Variants in KCNN2 observed in about 807,000 individuals in gnomAD.
KCNN2 encodes potassium calcium-activated channel subfamily N member 2, also known as small conductance calcium-activated potassium channel protein 2.
A neutral mutation model predicts 55.5 loss-of-function variants in KCNN2; 24 were observed. The ratio of observed to expected loss-of-function variants is 0.43; its 90% CI spans 0.31 to 0.61. The LOEUF (loss-of-function observed/expected upper bound fraction) is 0.61. KCNN2 is among the 20% of genes least tolerant of loss of function. The pLI, the probability that KCNN2 is intolerant of heterozygous loss-of-function variation, is 0.08. For missense variants in KCNN2, 754 were observed against 853.6 expected, an observed-to-expected ratio of 0.88 and a Z score of 1.45; for synonymous variants, 431 against 336.1, an observed-to-expected ratio of 1.28 and a Z score of -3.09.
At position 114,496,161 on chromosome 5, in the gene KCNN2, A is replaced by G; in HGVS notation, c.2355A>G (p.Pro785=). Residue 785 remains proline, a synonymous_variant, in exon 8 of 8, where the codon CCA becomes CCG. Transcript: ENST00000673685. ...GGCGGTCCTCTTCCACAGCACCACC[A>G]ACTTCATCAGAGAGTAGCTAGAAGA... ...RRRRSSSTAP[P]TSSESS The G allele has an allele frequency of 1.9e-6, 3 of 1,613,956 alleles. No individual in the cohort carries two copies. The highest frequency in any genetic ancestry group is 2.5e-6 in the Non-Finnish European group (3 of 1,179,932).
chr5:114,296,404 G>A lies in KCNN2; in HGVS notation c.-184-64541G>A, dbSNP rs561108489. 5.3e-5 allele frequency among the ~76,000 whole-genome samples: 8 copies of A among 152,308 alleles called. No homozygotes were observed. In the South Asian group the frequency reaches 1.4e-3, roughly 28 times the overall value. ...CTCGGCTGCTGATGTCATTGTTTATGCTAAGAATATTGCTTTAGGGATAAA... is the reference window on the plus strand; with the variant it reads ...CTCGGCTGCTGATGTCATTGTTTATACTAAGAATATTGCTTTAGGGATAAA... On this transcript the variant is annotated intron_variant, in intron 2 of 10. Coordinates refer to the KCNN2 transcript ENST00000512097.
intron 7 of KCNN2, among the ~76,000 whole-genome samples, chr5:114,494,593 T>C (rs563548781): frequency 3.5e-4 from 53 of 152,150 alleles, no homozygotes; most frequent in Middle Eastern, 3.4e-3. Context: ...TTTTAATGGG[T>C]ATTTTTATGA....
At chr5:114,459,898 G>T (rs147071169) in intron 3 of KCNN2, among the ~76,000 whole-genome samples, 191 of 152,248 alleles carry the variant, frequency 1.3e-3, no homozygotes, top group African/African-American at 4.5e-3. Flanking sequence ...AGAGTATTTG[G>T]CAAATAAGGA....
chr5:114,362,557 C>CGGCAGCAGTACG lies in KCNN2; in HGVS notation c.419_430dup (p.Tyr143_Ala144insGlyGlnGlnTyr), dbSNP rs1757461980. 9.8e-6 allele frequency: 6 copies of CGGCAGCAGTACG among 614,362 alleles called. No individual in the cohort carries two copies. The highest frequency in any genetic ancestry group is 2.0e-5 in the African/African-American group (1 of 50,586). The allele number at this position is 614,362 out of a possible 1,614,324, so 38.1% of individuals were successfully genotyped here. A position where few individuals can be genotyped will look rare whatever the true frequency, so the allele number is the denominator to read the frequency against. On this transcript the variant is annotated inframe_insertion, in exon 1 of 8. Coordinates refer to ENST00000673685, the MANE Select transcript of KCNN2 (RefSeq NM_021614.4). The stretch of plus-strand genomic sequence containing the variant: ...GCCGTCCAGCCATGCCAGTGCGCTC[C>CGGCAGCAGTACG]GGCAGCAGTACGCGCAGCAGTCCGC...
intron 1 of KCNN2, among the ~76,000 whole-genome samples, chr5:114,158,137 G>T (rs527403411): frequency 6.6e-6 from 1 of 152,032 alleles, no homozygotes; most frequent in African/African-American, 2.4e-5. Context: ...ATGGTTTTAG[G>T]TCTAACATGT....
intron 1 of KCNN2, among the ~76,000 whole-genome samples, chr5:114,198,772 T>A (rs1753611862): frequency 2.0e-5 from 3 of 152,144 alleles, no homozygotes; most frequent in Admixed American, 1.3e-4. Context: ...CTAGCTTTTT[T>A]CCACTGTGGT....
intron 1 of KCNN2, among the ~76,000 whole-genome samples, chr5:114,213,609 T>C (rs1753934984): frequency 6.6e-6 from 1 of 152,076 alleles, no homozygotes; most frequent in Non-Finnish European, 1.5e-5. Context: ...TCCTTCAAAC[T>C]ATTGAAAGCA....
At chr5:114,073,426 A>C (rs999984412) in intron 1 of KCNN2, among the ~76,000 whole-genome samples, 1 of 152,194 alleles carries the variant, frequency 6.6e-6, no homozygotes, top group African/African-American at 2.4e-5. Flanking sequence ...ATTAGCATGG[A>C]CTTTATTGAT....
chr5:114,058,138 C>G (rs1270347474), intron 1 of KCNN2, among the ~76,000 whole-genome samples: 2 of 152,016 alleles, frequency 1.3e-5, no homozygotes, highest in Non-Finnish European at 2.9e-5. Flanking sequence ...TAATGAAAAC[C>G]TGGAGGGACC....
intron 2 of KCNN2, among the ~76,000 whole-genome samples, chr5:114,273,200 G>T (rs549609267): frequency 1.6e-4 from 24 of 152,098 alleles, no homozygotes; most frequent in Admixed American, 1.4e-3. Flanking sequence ...TGCAAAGGAC[G>T]TGAACTCATC....
At chr5:114,118,181 C>T (rs1751748523) in intron 1 of KCNN2, among the ~76,000 whole-genome samples, 1 of 152,112 alleles carries the variant, frequency 6.6e-6, no homozygotes, top group Admixed American at 6.5e-5. Flanking sequence ...GTCTTGAACT[C>T]TCACGATTTC....
At chr5:114,492,240 A>G (rs1255556457) in intron 6 of KCNN2, among the ~76,000 whole-genome samples, 2 of 152,134 alleles carry the variant, frequency 1.3e-5, no homozygotes. Context: ...ACGTATTACA[A>G]AATCTCCCTG....
intron 3 of KCNN2, among the ~76,000 whole-genome samples, chr5:114,447,927 C>G (rs988680275): frequency 1.4e-4 from 21 of 152,086 alleles, no homozygotes; most frequent in African/African-American, 4.6e-4. Flanking sequence ...TATTGAATTG[C>G]CTTTTTCTTT....
rs1295525177 is a variant in KCNN2 at position 114,117,509 on chromosome 5, G to C, written c.-271+61009G>C. ...TCTTCAGCAACGGCAAAATGTACTT[G>C]GGTGACAACAGTCTGCCTTTGAAAT... is the stretch of plus-strand genomic sequence containing the variant. On this transcript the variant is annotated intron_variant, in intron 1 of 10. Coordinates refer to the KCNN2 transcript ENST00000512097. Among the ~76,000 whole-genome samples the C allele has an allele frequency of 2.0e-5, 3 of 152,194 alleles. No individual in the cohort carries two copies. The East Asian group carries it at 5.8e-4, about 29-fold the overall frequency.
At chr5:114,076,520 TA>T (rs1750688609) in intron 1 of KCNN2, among the ~76,000 whole-genome samples, 1 of 152,162 alleles carries the variant, frequency 6.6e-6, no homozygotes, top group Non-Finnish European at 1.5e-5. Flanking sequence ...ACAAAAAACT[TA>T]TGTCACTGGC....
chr5:114,395,388 T>C (rs1252239478), intron 2 of KCNN2, among the ~76,000 whole-genome samples: 1 of 152,190 alleles, frequency 6.6e-6, no homozygotes, highest in East Asian at 1.9e-4. Flanking sequence ...TACAAGTTAC[T>C]TTAGACCTCT....
intron 1 of KCNN2, among the ~76,000 whole-genome samples, chr5:114,172,212 G>T (rs1753048575): frequency 6.6e-6 from 1 of 151,920 alleles, no homozygotes. Flanking sequence ...AGCACCACTT[G>T]TTAATTCAAC....
At chr5:114,200,160 A>C (rs1261734827) in intron 1 of KCNN2, among the ~76,000 whole-genome samples, 1 of 152,086 alleles carries the variant, frequency 6.6e-6, no homozygotes. Context: ...CACTTTATGT[A>C]GTCCCAGATG....
intron 1 of KCNN2, among the ~76,000 whole-genome samples, chr5:114,137,843 G>A (rs1454347483): frequency 6.6e-6 from 1 of 152,132 alleles, no homozygotes; most frequent in Non-Finnish European, 1.5e-5. Context: ...AAACATTTGA[G>A]TAAATATTGG....
Sources: allele counts gnomAD v4.1 joint callset (sites outside exome capture counted in the v4.1 genomes callset), GRCh38; gene constraint gnomAD v4.1.1; transcripts MANE v1.5; gene names NCBI Gene and HGNC (gene_info 2026-07-23, HGNC 2026-07-21).